The following ANKHD1 variants were observed in gnomAD, a reference collection of about 807,000 sequenced individuals.
The protein encoded by ANKHD1 is ankyrin repeat and KH domain-containing protein 1.
Under a neutral mutation model 230.5 loss-of-function variants are expected in ANKHD1, and 31 were observed. The observed-to-expected ratio is 0.13, with a 90% CI of 0.10 to 0.18. The LOEUF is 0.18. ANKHD1 is among the 10% of genes least tolerant of loss of function. ANKHD1 has a pLI of 1.00. For missense variants in ANKHD1, 2,256 were observed against 3,071.3 expected, an observed-to-expected ratio of 0.73 and a Z score of 6.27; for synonymous variants, 1,074 against 1,117.6, an observed-to-expected ratio of 0.96 and a Z score of 0.78.
rs113206514 is a variant in ANKHD1, at chr5:140,446,013, G to A, written c.1147+38G>A. ...TGTATGAATATTTATAATGTTTTTC[G>A]TAACCACTTTGATTATTTGAGTATT... On this transcript the variant is annotated intron_variant, in intron 6 of 33. Coordinates refer to ENST00000360839, the MANE Select transcript of ANKHD1 (RefSeq NM_017747.3). 4.0e-3 allele frequency: 6,000 copies of A among 1,507,200 alleles called. 204 individuals are homozygous for A. The African/African-American group carries it at 0.072, about 18-fold the overall frequency. 93.4% of individuals were successfully genotyped at this position (1,507,200 alleles called of 1,614,324 possible).
At chr5:140,432,087 T>C (rs1388329789) in intron 1 of ANKHD1, among the ~76,000 whole-genome samples, 1 of 152,230 alleles carries the variant, frequency 6.6e-6, no homozygotes, top group Non-Finnish European at 1.5e-5. Context: ...CTTTTAAAAA[T>C]TGAGATATAA....
chr5:140,417,009 G>A (rs1771450145), intron 1 of ANKHD1, among the ~76,000 whole-genome samples: 1 of 152,026 alleles, frequency 6.6e-6, no homozygotes, highest in Admixed American at 6.6e-5. Context: ...GACTTGATCT[G>A]GACAAAATAT....
chr5:140,476,357 G>A (rs1750965696), intron 10 of ANKHD1, among the ~76,000 whole-genome samples: 1 of 152,072 alleles, frequency 6.6e-6, no homozygotes, highest in Non-Finnish European at 1.5e-5. Flanking sequence ...ATTGTGACTA[G>A]ACATGAATCC....
chr5:140,430,870 G>T (rs1772989292), intron 1 of ANKHD1, among the ~76,000 whole-genome samples: 1 of 151,972 alleles, frequency 6.6e-6, no homozygotes, highest in Non-Finnish European at 1.5e-5. Flanking sequence ...TCACTATGTT[G>T]CCCAGGCTGG....
rs746990455 is a variant in ANKHD1 at position 140,401,981 on chromosome 5, G to A, written c.14G>A (p.Ser5Asn). The A allele has an allele frequency of 1.3e-6, 2 of 1,562,426 alleles. No homozygotes were observed. Among genetic ancestry groups the A allele is most frequent in the Non-Finnish European group, 1.7e-6 (2 of 1,159,114 alleles). The change falls in exon 1 of 34, where the codon AGC becomes AAC. Residue 5 changes from serine (S) to asparagine (N), a missense_variant. Around this residue, in one of 13 missense-constraint regions of ANKHD1, gnomAD observed 193 missense variants for 185.8 expected, o/e 1.04. Coordinates refer to ENST00000360839, the MANE Select transcript of ANKHD1 (RefSeq NM_017747.3). MLTD[S>N]GGGGTSFEED... ...CGGGTGCGAACAATGCTGACTGATA[G>A]CGGAGGCGGCGGCACCTCCTTTGAG...
At chr5:140,447,426 T>G (rs1344844617) in intron 6 of ANKHD1, among the ~76,000 whole-genome samples, 4 of 152,050 alleles carry the variant, frequency 2.6e-5, no homozygotes, top group Non-Finnish European at 5.9e-5. Context: ...CAGGTGGCTC[T>G]CAACCTCCAG....
intron 1 of ANKHD1, among the ~76,000 whole-genome samples, chr5:140,417,199 A>G (rs1423685154): frequency 6.6e-6 from 1 of 151,946 alleles, no homozygotes; most frequent in Non-Finnish European, 1.5e-5. Context: ...GATATGTCGT[A>G]TATTGATTAA....
chr5:140,452,976 A>T (rs1330840631), intron 7 of ANKHD1, among the ~76,000 whole-genome samples: 1 of 152,216 alleles, frequency 6.6e-6, no homozygotes, highest in Non-Finnish European at 1.5e-5. Context: ...TTGAAAAAAG[A>T]TTAGACAAAT....
At chr5:140,491,131 T>TACACAC (rs1460044579) in intron 14 of ANKHD1, among the ~76,000 whole-genome samples, 1 of 72,632 alleles carries the variant, frequency 1.4e-5, no homozygotes, top group African/African-American at 3.8e-5. Flanking sequence ...TATATATATA[T>TACACAC]ATATACACAT....
At chr5:140,427,663 C>T (rs1026700282) in intron 1 of ANKHD1, among the ~76,000 whole-genome samples, 2 of 146,630 alleles carry the variant, frequency 1.4e-5, no homozygotes, top group African/African-American at 2.5e-5. Flanking sequence ...CCCCCACCTC[C>T]CTCCCGGACG....
Position 140,529,589 on chromosome 5 carries a change from A to G in ANKHD1, c.6643A>G (p.Ser2215Gly). ...AGCCACACTTTTCAATCACTTCAGC[A>G]GTCTTTTTGATAGTAGTCAGGTGCC... ...GPATLFNHFS[S>G]LFDSSQVPAN... The change falls in exon 29 of 34, where the codon AGT becomes GGT. Residue 2215 changes from serine to glycine, a missense_variant. Transcript: ENST00000360839. 1 of 1,614,226 alleles carries G rather than the reference A, an allele frequency of 6.2e-7. No homozygotes were observed. Among genetic ancestry groups the G allele is most frequent in the South Asian group, 1.1e-5 (1 of 91,086 alleles).
At chr5:140,479,659 G>A (rs1751160996) in intron 10 of ANKHD1, among the ~76,000 whole-genome samples, 1 of 149,276 alleles carries the variant, frequency 6.7e-6, no homozygotes, top group South Asian at 2.1e-4. Flanking sequence ...ATGTATTCCT[G>A]TTATACATGT....
intron 1 of ANKHD1, among the ~76,000 whole-genome samples, chr5:140,424,237 G>C (rs142593513): frequency 4.1e-4 from 62 of 151,402 alleles, no homozygotes; most frequent in African/African-American, 6.9e-4. Context: ...GAGAGAGAGA[G>C]AGAGACAGAG....
chr5:140,437,332 C>G (rs528214447), intron 2 of ANKHD1, among the ~76,000 whole-genome samples: 3 of 152,296 alleles, frequency 2.0e-5, no homozygotes, highest in Middle Eastern at 3.4e-3. Context: ...TGTAACTTTT[C>G]TTACTTGTGC....
intron 29 of ANKHD1, among the ~76,000 whole-genome samples, chr5:140,533,997 C>A (rs747848784): frequency 2.6e-5 from 4 of 151,854 alleles, no homozygotes; most frequent in Non-Finnish European, 5.9e-5. Context: ...TGTTGCCTAC[C>A]ACAATAATGA....
At chr5:140,499,963 G>A (rs909851798) in intron 15 of ANKHD1, among the ~76,000 whole-genome samples, 20 of 151,610 alleles carry the variant, frequency 1.3e-4, no homozygotes, top group Admixed American at 5.3e-4. Context: ...CCGCCTCCTG[G>A]GTTCAAGTGA....
At chr5:140,490,314 A>C (rs1204936884) in intron 14 of ANKHD1, among the ~76,000 whole-genome samples, 1 of 152,160 alleles carries the variant, frequency 6.6e-6, no homozygotes, top group Non-Finnish European at 1.5e-5. Flanking sequence ...CATCCTTTTA[A>C]AAATGTATTA....
At chr5:140,472,409 A>G in intron 10 of ANKHD1, 4 of 1,467,570 alleles carry the variant, frequency 2.7e-6, no homozygotes, top group Non-Finnish European at 3.6e-6. Context: ...CTGCTGGGTG[A>G]CAAAGGAAAT....
intron 1 of ANKHD1, among the ~76,000 whole-genome samples, chr5:140,433,439 T>C (rs1261831203): frequency 6.6e-6 from 1 of 152,212 alleles, no homozygotes; most frequent in Non-Finnish European, 1.5e-5. Context: ...TCTACCCCTA[T>C]GTCTAACTAC....
Sources: gnomAD v4.1 joint callset for allele counts (sites outside exome capture counted in the v4.1 genomes callset) on GRCh38, gnomAD v4.1.1 for gene constraint, gnomAD v4.1.1 regional missense constraint, MANE v1.5 for transcripts, NCBI Gene and HGNC (gene_info 2026-07-23, HGNC 2026-07-21) for gene names.